Variants in CFH observed in about 807,000 individuals in gnomAD.
The protein encoded by CFH is complement factor H, also known as H factor 1 (complement).
A neutral mutation model predicts 147.3 loss-of-function variants in CFH; 53 were observed. That is an observed-to-expected ratio of 0.36 (90% CI 0.29 to 0.45). CFH has a LOEUF of 0.45. Ranked by LOEUF, CFH falls within the 20% of genes least tolerant of loss-of-function variation. The probability of loss-of-function intolerance (pLI) is 1.00; values close to 1 mark genes in which losing one functional copy is unlikely to be tolerated. For synonymous variants in CFH, 536 were observed against 489.4 expected, an observed-to-expected ratio of 1.10 and a Z score of -1.26; for missense variants, 1,380 against 1,498.0, an observed-to-expected ratio of 0.92 and a Z score of 1.30.
rs202090237 is a variant in CFH at position 196,745,821 on chromosome 1, T to G, written c.3315T>G (p.Ser1105=). 6.2e-7 allele frequency: 1 copy of G among 1,614,112 alleles called. No homozygotes were observed. The highest frequency in any genetic ancestry group is 2.2e-5 in the East Asian group (1 of 44,864). Residue 1105 remains serine, a synonymous_variant, in exon 21 of 22, where the codon TCT becomes TCG. Coordinates refer to ENST00000367429, the MANE Select transcript of CFH (RefSeq NM_000186.4). Reference sequence around the variant, plus strand: ...TGATGAAATGATGTTTTTTAGATTCTACAGGAAAATGTGGGCCCCCTCCAC... The same window carrying G: ...TGATGAAATGATGTTTTTTAGATTCGACAGGAAAATGTGGGCCCCCTCCAC... ...NWTEPPQCKD[S]TGKCGPPPPI... is the part of the protein sequence containing the mutation.
At chr1:196,686,476 T>G (rs1667832301) in intron 7 of CFH, among the ~76,000 whole-genome samples, 4 of 152,036 alleles carry the variant, frequency 2.6e-5, no homozygotes, top group Non-Finnish European at 5.9e-5. Flanking sequence ...TACCCCTTTT[T>G]AATGTTTTTT....
intron 15 of CFH, among the ~76,000 whole-genome samples, chr1:196,729,355 A>G (rs1351602662): frequency 6.6e-6 from 1 of 152,082 alleles, no homozygotes; most frequent in Non-Finnish European, 1.5e-5. Flanking sequence ...AAATGATCGT[A>G]TAGTTATCGT....
Position 196,707,895 on chromosome 1 carries a change from G to A in CFH, c.1337-5840G>A, listed in dbSNP as rs1668630646. Among the ~76,000 whole-genome samples the A allele has an allele frequency of 2.0e-5, 3 of 152,198 alleles. No individual in the cohort carries two copies. The South Asian group carries it at 6.2e-4, about 32-fold the overall frequency. On this transcript the variant is annotated intron_variant, in intron 9 of 21. Transcript: ENST00000367429. ...TGAGATACCTTCCTGTCTATTCCCT[G>A]CCTTACTGAATGCTTAAGCCATATA...
At chr1:196,730,552 T>A (rs1465017109) in intron 15 of CFH, among the ~76,000 whole-genome samples, 1 of 151,840 alleles carries the variant, frequency 6.6e-6, no homozygotes, top group Non-Finnish European at 1.5e-5. Flanking sequence ...TATGTGTTTT[T>A]TTGTTATGTG....
chr1:196,738,749 G>C (rs1313509901), intron 17 of CFH, among the ~76,000 whole-genome samples: 1 of 152,138 alleles, frequency 6.6e-6, no homozygotes, highest in African/African-American at 2.4e-5. Flanking sequence ...GCTATTGATG[G>C]ATCTACCATT....
At chr1:196,721,749 T>C (rs1326672697) in intron 11 of CFH, among the ~76,000 whole-genome samples, 1 of 151,978 alleles carries the variant, frequency 6.6e-6, no homozygotes, top group African/African-American at 2.4e-5. Flanking sequence ...AGGTTTTGAG[T>C]GCATATATAT....
At chr1:196,731,263 G>T (rs774757455) in intron 15 of CFH, among the ~76,000 whole-genome samples, 3 of 151,662 alleles carry the variant, frequency 2.0e-5, no homozygotes, top group Admixed American at 6.6e-5. Flanking sequence ...GCTATCCTTA[G>T]GCTTGCATAG....
At chr1:196,708,905 C>CACTG (rs371539326) in intron 9 of CFH, among the ~76,000 whole-genome samples, 1 of 152,288 alleles carries the variant, frequency 6.6e-6, no homozygotes, top group African/African-American at 2.4e-5. Flanking sequence ...AGTATACACT[C>CACTG]ACTGGGACAT....
intron 1 of CFH, among the ~76,000 whole-genome samples, chr1:196,653,068 A>G (rs186747692): frequency 1.6e-4 from 25 of 151,928 alleles, no homozygotes; most frequent in African/African-American, 4.6e-4. Flanking sequence ...ATTTTGATTG[A>G]GTGACCATTA....
At chr1:196,689,141 A>G (rs780927570) in intron 7 of CFH, among the ~76,000 whole-genome samples, 3 of 152,120 alleles carry the variant, frequency 2.0e-5, no homozygotes, top group East Asian at 1.9e-4. Context: ...TAAGGGAAAT[A>G]TATTAAATAG....
intron 1 of CFH, among the ~76,000 whole-genome samples, chr1:196,658,562 C>G (rs1381467437): frequency 2.6e-5 from 4 of 151,770 alleles, no homozygotes; most frequent in African/African-American, 9.7e-5. Context: ...CAGGCACCCA[C>G]CACCAAGCCC....
intron 9 of CFH, among the ~76,000 whole-genome samples, chr1:196,711,734 G>A (rs1668727301): frequency 6.6e-6 from 1 of 151,974 alleles, no homozygotes. Flanking sequence ...TTTCTACTCT[G>A]ATTGATTCCA....
At chr1:196,741,735 T>C (rs1652814128) in intron 18 of CFH, 140 bp from the exon 19 acceptor site, 1 of 713,818 alleles carries the variant, frequency 1.4e-6, no homozygotes, top group Admixed American at 2.6e-5. Context: ...AAATGGCTAA[T>C]ATATTTTCTC....
rs183155055 is a variant in CFH at position 196,715,894 on chromosome 1, T to C, written c.1696+125T>C. 3 of 785,472 alleles carry C rather than the reference T, an allele frequency of 3.8e-6. No individual in the cohort carries two copies. The African/African-American group carries it at 5.3e-5, about 14-fold the overall frequency. The allele number at this position is 785,472 out of a possible 1,614,324, so 48.7% of individuals were successfully genotyped here. A position where few individuals can be genotyped will look rare whatever the true frequency, so the allele number is the denominator to read the frequency against. ...TGATTAAAATCAAGATATCTCCTGATTTGACATAAACTGGGAAAAGAAGGG... is the reference window on the plus strand; with the variant it reads ...TGATTAAAATCAAGATATCTCCTGACTTGACATAAACTGGGAAAAGAAGGG... On this transcript the variant is annotated intron_variant, in intron 11 of 21. Transcript: ENST00000367429.
rs548747490 is a variant in CFH at position 196,672,686 on chromosome 1, A to G, written c.59-292A>G. ...AGAATGCTCTCCAGCAATTAAGAGT[A>G]ATATAACAAAATATATCTATTGCTT... On this transcript the variant is annotated intron_variant, in intron 1 of 21. Transcript: ENST00000367429. Among the ~76,000 whole-genome samples, 225 of 152,342 alleles carry G rather than the reference A, an allele frequency of 1.5e-3. 2 individuals are homozygous for G. Among genetic ancestry groups the G allele is most frequent in the African/African-American group, 5.1e-3 (212 of 41,590 alleles).
intron 1 of CFH, among the ~76,000 whole-genome samples, chr1:196,668,751 A>G (rs1667180323): frequency 1.3e-5 from 2 of 152,130 alleles, no homozygotes; most frequent in South Asian, 2.1e-4. Flanking sequence ...AGCCTCCCCA[A>G]CCATGTGAAA....
intron 1 of CFH, 138 bp downstream of exon 1, chr1:196,652,313 C>T: frequency 1.6e-6 from 1 of 639,790 alleles, no homozygotes; most frequent in East Asian, 2.8e-5. Flanking sequence ...TGGCTTTTGA[C>T]ATTGTTGAGT....
intron 9 of CFH, among the ~76,000 whole-genome samples, chr1:196,707,871 G>A (rs1668629671): frequency 6.6e-6 from 1 of 152,166 alleles, no homozygotes; most frequent in African/African-American, 2.4e-5. Flanking sequence ...ATAAAAAGGT[G>A]AGATACCTTC....
intron 10 of CFH, among the ~76,000 whole-genome samples, chr1:196,714,941 T>A (rs1668832516): frequency 1.3e-5 from 2 of 151,418 alleles, no homozygotes; most frequent in African/African-American, 4.9e-5. Flanking sequence ...TCTCAAATGA[T>A]CCTCCTGCCT....
Sources: allele counts gnomAD v4.1 joint callset (sites outside exome capture counted in the v4.1 genomes callset), GRCh38; gene constraint gnomAD v4.1.1; transcripts MANE v1.5; gene names NCBI Gene and HGNC (gene_info 2026-07-23, HGNC 2026-07-21).